FAAH2: variants seen among roughly 807,000 people sequenced by gnomAD.
The protein encoded by FAAH2 is fatty acid amide hydrolase 2, also known as fatty-acid amide hydrolase 2.
A neutral mutation model predicts 36.9 loss-of-function variants in FAAH2; 60 were observed. The observed-to-expected ratio is 1.63, with a 90% CI of 1.32 to 2.02. FAAH2 has a LOEUF of 2.02. Among genes scored for constraint, FAAH2 ranks in the 30% most tolerant of loss-of-function variants. FAAH2 has a pLI of 0.00. For synonymous variants in FAAH2, 214 were observed against 143.8 expected, an observed-to-expected ratio of 1.49 and a Z score of -3.49; for missense variants, 689 against 397.5, an observed-to-expected ratio of 1.73 and a Z score of -6.23.
chrX:57,406,793 A>G (rs1192437737), intron 7 of FAAH2, among the ~76,000 whole-genome samples: 2 of 111,947 alleles, frequency 1.8e-5, no homozygotes, highest in Admixed American at 1.9e-4. Flanking sequence ...AGGAAGATGA[A>G]CCCCAGTCAT....
At chrX:57,224,799 C>A in the FAAH2 span, among the ~76,000 whole-genome samples, 1 of 112,403 alleles carries the variant, frequency 8.9e-6, no homozygotes, top group African/African-American at 3.2e-5. Context: ...CAGCATGTTG[C>A]TCCACACTGC....
At chrX:57,363,732 A>G (rs1166442741) in intron 5 of FAAH2, among the ~76,000 whole-genome samples, 11 of 110,787 alleles carry the variant, frequency 9.9e-5, no homozygotes, top group Non-Finnish European at 1.9e-5. Context: ...ATTTTGAGGT[A>G]TGTTCTATGG....
chrX:57,395,082 C>T (rs926488486), intron 7 of FAAH2: 1 of 548,710 alleles, frequency 1.8e-6, no homozygotes, highest in South Asian at 2.3e-5. Context: ...TTGATCACTC[C>T]TTCAGTGTAT....
the FAAH2 span, among the ~76,000 whole-genome samples, chrX:57,172,772 C>G: frequency 4.5e-5 from 5 of 111,826 alleles, no homozygotes; most frequent in African/African-American, 1.6e-4. Flanking sequence ...CCTCATTCCA[C>G]TGGTTGATGG....
the FAAH2 span, among the ~76,000 whole-genome samples, chrX:57,171,521 C>T: frequency 2.7e-5 from 3 of 111,430 alleles, no homozygotes; most frequent in Non-Finnish European, 5.7e-5. Flanking sequence ...TGATGATGAA[C>T]ATTTTTTCAT....
At chrX:57,350,085 A>G (rs1197149143) in intron 5 of FAAH2, among the ~76,000 whole-genome samples, 3 of 111,352 alleles carry the variant, frequency 2.7e-5, no homozygotes, top group Non-Finnish European at 5.7e-5. Flanking sequence ...AAAGGCCAGA[A>G]AATAAATGGA....
chrX:57,204,775 A>G, the FAAH2 span, among the ~76,000 whole-genome samples: 7 of 112,435 alleles, frequency 6.2e-5, no homozygotes, highest in Non-Finnish European at 1.3e-4. Flanking sequence ...ATTCAATTGC[A>G]TATGGGGTGT....
intron 7 of FAAH2, among the ~76,000 whole-genome samples, chrX:57,398,628 C>T (rs1010970995): frequency 1.8e-5 from 2 of 109,951 alleles, no homozygotes; most frequent in Admixed American, 9.7e-5. Context: ...AGGGGGTTGT[C>T]GCTGCCGGCT....
intron 7 of FAAH2, among the ~76,000 whole-genome samples, chrX:57,406,870 A>G (rs717848): frequency 0.38 from 42,335 of 111,351 alleles, 6,698 homozygotes; most frequent in Middle Eastern, 0.64. Context: ...TGCTAGACGA[A>G]CAACCACAAA....
chrX:57,364,823 C>A (rs1388126631), intron 5 of FAAH2, among the ~76,000 whole-genome samples: 1 of 111,206 alleles, frequency 9.0e-6, no homozygotes, highest in Admixed American at 9.6e-5. Context: ...AAAAGTCATT[C>A]AGGAGCATGT....
At chrX:57,161,999 C>T in the FAAH2 span, among the ~76,000 whole-genome samples, 63 of 111,820 alleles carry the variant, frequency 5.6e-4, no homozygotes, top group African/African-American at 1.9e-3. Flanking sequence ...TGGCTGGTAC[C>T]GGTTGTTCCT....
At chrX:57,191,984 G>T in the FAAH2 span, among the ~76,000 whole-genome samples, 1 of 111,408 alleles carries the variant, frequency 9.0e-6, no homozygotes, top group South Asian at 3.7e-4. Flanking sequence ...TAAATTCTAG[G>T]ATTGTTTTTT....
At chrX:57,328,366 T>A (rs1250851002) in intron 3 of FAAH2, among the ~76,000 whole-genome samples, 3 of 111,632 alleles carry the variant, frequency 2.7e-5, no homozygotes, top group African/African-American at 9.8e-5. Context: ...ACTTGTTATT[T>A]TTTCATGAAA....
upstream of FAAH2, among the ~76,000 whole-genome samples, chrX:57,286,054 A>C (rs189313433): frequency 4.5e-5 from 5 of 111,373 alleles, no homozygotes; most frequent in East Asian, 8.5e-4. Context: ...TTCCATTTGT[A>C]GACCTGTAGG....
chrX:57,489,111 G>A lies in FAAH2; in HGVS notation c.*179G>A. On this transcript the variant is annotated 3_prime_UTR_variant, in exon 11 of 11. Transcript: ENST00000374900. ...CTCTAACTGTTGGTCTTACTAAAAT[G>A]GTAATATTTGCTTCTTGCTTTTATG... 2.1e-6 allele frequency: 1 copy of A among 472,591 alleles called. No homozygotes were observed. Among genetic ancestry groups the A allele is most frequent in the Non-Finnish European group, 3.3e-6 (1 of 306,024 alleles). The allele number at this position is 472,591 out of a possible 1,213,427, so 38.9% of individuals were successfully genotyped here.
chrX:57,325,539 G>A (rs1346314862), intron 3 of FAAH2, among the ~76,000 whole-genome samples: 2 of 110,230 alleles, frequency 1.8e-5, no homozygotes, highest in African/African-American at 6.6e-5. Flanking sequence ...TCTATTCAGA[G>A]ATTGAACTTC....
chrX:57,417,656 G>A (rs760982597), intron 7 of FAAH2, among the ~76,000 whole-genome samples: 3 of 111,656 alleles, frequency 2.7e-5, no homozygotes, highest in East Asian at 2.9e-4. Flanking sequence ...CCTGTATGAG[G>A]TGTCTGTCGA....
At chrX:57,483,203 T>C (rs974754448) in intron 10 of FAAH2, among the ~76,000 whole-genome samples, 1 of 111,571 alleles carries the variant, frequency 9.0e-6, no homozygotes, top group African/African-American at 3.2e-5. Context: ...CTTTGTTCCA[T>C]TTTTTAAAAT....
At chrX:57,301,086 A>G (rs1311583519) in intron 2 of FAAH2, among the ~76,000 whole-genome samples, 5 of 108,888 alleles carry the variant, frequency 4.6e-5, no homozygotes, top group African/African-American at 1.0e-4. Flanking sequence ...TAGAAATACC[A>G]TTTGATCCAG....
Sources: allele counts gnomAD v4.1 joint callset (sites outside exome capture counted in the v4.1 genomes callset), GRCh38; gene constraint gnomAD v4.1.1; transcripts MANE v1.5; gene names NCBI Gene and HGNC (gene_info 2026-07-23, HGNC 2026-07-21).